METTL15: variants seen among roughly 807,000 people sequenced by gnomAD.
METTL15 encodes 12S rRNA N(4)-cytidine methyltransferase METTL15.
METTL15 carries 34 observed loss-of-function variants against 38.3 expected under a neutral mutation model. That is an observed-to-expected ratio of 0.89 (90% CI 0.68 to 1.18). The LOEUF is 1.18. Ranked by LOEUF, METTL15 falls within the 50% of genes most tolerant of loss-of-function variation. The probability of loss-of-function intolerance (pLI) is 0.00; values close to 1 mark genes in which losing one functional copy is unlikely to be tolerated. For missense variants in METTL15, 438 were observed against 498.4 expected (o/e 0.88, Z 1.15); for synonymous variants, 162 against 170.9 (o/e 0.95, Z 0.41).
At chr11:28,264,933 A>T (rs189693134) in intron 4 of METTL15, among the ~76,000 whole-genome samples, 2 of 151,366 alleles carry the variant, frequency 1.3e-5, no homozygotes, top group African/African-American at 4.8e-5. Context: ...GGGAGGAAAT[A>T]TTTTTTTTAT....
At chr11:28,445,261 T>G (rs190870153) in intron 6 of METTL15, among the ~76,000 whole-genome samples, 1 of 152,206 alleles carries the variant, frequency 6.6e-6, no homozygotes, top group Non-Finnish European at 1.5e-5. Flanking sequence ...CTTGTAAGAA[T>G]AGTGCAAAGA....
intron 6 of METTL15, among the ~76,000 whole-genome samples, chr11:28,435,377 C>T (rs1850973125): frequency 1.3e-5 from 2 of 152,172 alleles, no homozygotes; most frequent in Non-Finnish European, 2.9e-5. Flanking sequence ...AACTACATAG[C>T]AGTCACTGGT....
intron 6 of METTL15, among the ~76,000 whole-genome samples, chr11:28,524,954 T>G (rs923944311): frequency 1.3e-5 from 2 of 152,102 alleles, no homozygotes; most frequent in African/African-American, 4.8e-5. Context: ...TTCCTTCTGG[T>G]GGGTTCATGG....
At chr11:28,174,727 A>G (rs913308226) in intron 3 of METTL15, among the ~76,000 whole-genome samples, 79 of 151,064 alleles carry the variant, frequency 5.2e-4, no homozygotes, top group African/African-American at 1.8e-3. Flanking sequence ...AGGCGGGAGA[A>G]TGGTATGAAG....
At chr11:28,353,948 A>AAAAC in intron 4 of METTL15, among the ~76,000 whole-genome samples, 1 of 151,658 alleles carries the variant, frequency 6.6e-6, no homozygotes. Flanking sequence ...AAAAAAAAAA[A>AAAAC]AAAAAGGTGT....
intron 5 of METTL15, among the ~76,000 whole-genome samples, chr11:28,375,654 G>A (rs897236293): frequency 2.6e-5 from 4 of 151,880 alleles, no homozygotes; most frequent in Non-Finnish European, 5.9e-5. Flanking sequence ...GGTTTTTTGT[G>A]TCTCTATTTC....
At chr11:28,365,578 C>A (rs915076064) in intron 5 of METTL15, among the ~76,000 whole-genome samples, 1 of 151,582 alleles carries the variant, frequency 6.6e-6, no homozygotes, top group Admixed American at 6.6e-5. Context: ...TTTCTTTAAA[C>A]CTCCTGCTTT....
chr11:28,413,114 A>C (rs1850742953), intron 5 of METTL15, among the ~76,000 whole-genome samples: 1 of 152,094 alleles, frequency 6.6e-6, no homozygotes, highest in Admixed American at 6.6e-5. Context: ...AAAAAATACT[A>C]CTAAATAAGT....
At chr11:28,241,066 A>G (rs781254442) in intron 4 of METTL15, among the ~76,000 whole-genome samples, 11 of 152,186 alleles carry the variant, frequency 7.2e-5, no homozygotes, top group African/African-American at 1.7e-4. Context: ...TATTTAGCAT[A>G]TATTTATTGA....
intron 5 of METTL15, among the ~76,000 whole-genome samples, chr11:28,367,163 C>T (rs1850193914): frequency 6.8e-6 from 1 of 147,338 alleles, no homozygotes; most frequent in Admixed American, 6.9e-5. Context: ...AGAGTGTTGA[C>T]AGGGAACTGG....
At chr11:28,167,168 G>T (rs1267939472) in intron 3 of METTL15, among the ~76,000 whole-genome samples, 1 of 152,150 alleles carries the variant, frequency 6.6e-6, no homozygotes, top group East Asian at 1.9e-4. Context: ...AATGAATGTG[G>T]CTAATTATTA....
intron 5 of METTL15, among the ~76,000 whole-genome samples, chr11:28,408,564 A>T (rs1850696785): frequency 6.6e-6 from 1 of 152,202 alleles, no homozygotes; most frequent in Admixed American, 6.5e-5. Context: ...ATAATTGGAA[A>T]AGACATAATA....
chr11:28,225,514 A>G (rs892882109), intron 4 of METTL15, among the ~76,000 whole-genome samples: 5 of 150,742 alleles, frequency 3.3e-5, no homozygotes, highest in African/African-American at 4.9e-5. Flanking sequence ...TGGTTGTAGT[A>G]TTGTGGAGAA....
intron 3 of METTL15, chr11:28,197,310 CTT>C (rs1170458108): frequency 5.0e-6 from 1 of 198,980 alleles, no homozygotes; most frequent in African/African-American, 2.3e-5. Context: ...CATAAAATAT[CTT>C]TTGTATTGCT....
At chr11:28,132,971 A>G (rs551151440) in intron 3 of METTL15, among the ~76,000 whole-genome samples, 2 of 152,200 alleles carry the variant, frequency 1.3e-5, no homozygotes, top group Non-Finnish European at 2.9e-5. Context: ...GTCCAAAAAC[A>G]TATTAGAATT....
At chr11:28,426,879 T>C (rs1174325707) in intron 6 of METTL15, among the ~76,000 whole-genome samples, 1 of 152,148 alleles carries the variant, frequency 6.6e-6, no homozygotes, top group Non-Finnish European at 1.5e-5. Context: ...TTTTTTCTCA[T>C]TCTGTAGGTT....
At chr11:28,344,336 G>A (rs1004269986) in intron 3 of METTL15, among the ~76,000 whole-genome samples, 5 of 152,054 alleles carry the variant, frequency 3.3e-5, no homozygotes, top group African/African-American at 9.7e-5. Context: ...TATCTTCCTC[G>A]AATTAGGATT....
intron 6 of METTL15, among the ~76,000 whole-genome samples, chr11:28,462,479 TACACACACAC>T (rs10573384): frequency 1.7e-3 from 248 of 146,428 alleles, no homozygotes; most frequent in South Asian, 6.5e-3. Context: ...CATACACGCT[TACACACACAC>T]ACACACACAC....
chr11:28,517,028 C>A (rs1248151659), intron 6 of METTL15: 2 of 152,236 alleles, frequency 1.3e-5, no homozygotes, highest in East Asian at 3.8e-4. Context: ...TGTATCCTTT[C>A]AGTGATGGGA....
Sources: gnomAD v4.1 joint callset for allele counts (sites outside exome capture counted in the v4.1 genomes callset) on GRCh38, gnomAD v4.1.1 for gene constraint, MANE v1.5 for transcripts, NCBI Gene and HGNC (gene_info 2026-07-23, HGNC 2026-07-21) for gene names.